Variants in DLG2 observed in about 807,000 individuals in gnomAD.
DLG2 encodes the protein discs large MAGUK scaffold protein 2, also known as disks large homolog 2.
DLG2 carries 45 observed loss-of-function variants against 132.5 expected under a neutral mutation model. That is an observed-to-expected ratio of 0.34 (90% CI 0.27 to 0.44). The LOEUF (loss-of-function observed/expected upper bound fraction) is 0.44. Ranked by LOEUF, DLG2 falls within the 20% of genes least tolerant of loss-of-function variation. The probability of loss-of-function intolerance (pLI) is 1.00; values close to 1 mark genes in which losing one functional copy is unlikely to be tolerated. For missense variants in DLG2, 1,045 were observed against 1,196.9 expected (o/e 0.87, Z 1.87); for synonymous variants, 424 against 419.6 (o/e 1.01, Z -0.13).
intron 7 of DLG2, among the ~76,000 whole-genome samples, chr11:84,483,635 A>G (rs1163576137): frequency 6.6e-6 from 1 of 152,144 alleles, no homozygotes; most frequent in Non-Finnish European, 1.5e-5. Context: ...TATCGTTACG[A>G]GTTTATCCAA....
At chr11:83,828,890 T>A (rs1359529931) in intron 17 of DLG2, among the ~76,000 whole-genome samples, 1 of 152,184 alleles carries the variant, frequency 6.6e-6, no homozygotes, top group Non-Finnish European at 1.5e-5. Flanking sequence ...GTATATGTGT[T>A]TATATACATA....
chr11:83,601,246 T>A (rs546718318), intron 19 of DLG2, among the ~76,000 whole-genome samples: 2 of 152,224 alleles, frequency 1.3e-5, no homozygotes, highest in East Asian at 3.9e-4. Context: ...TTGCCAAGGG[T>A]CCTCAATGCC....
At chr11:84,585,300 A>G (rs996569241) in intron 6 of DLG2, among the ~76,000 whole-genome samples, 3 of 152,170 alleles carry the variant, frequency 2.0e-5, no homozygotes, top group Non-Finnish European at 4.4e-5. Context: ...TGAGGCATGA[A>G]TAGGTTAGTA....
Position 83,523,805 on chromosome 11 carries a change from A to G in DLG2, c.2193+8903T>C, listed in dbSNP as rs75850423. 5.8e-4 allele frequency among the ~76,000 whole-genome samples: 89 copies of G among 152,298 alleles called. 1 individual carries two copies. In the East Asian group the frequency reaches 0.015, roughly 26 times the overall value. On this transcript the variant is annotated intron_variant, in intron 21 of 27. Transcript: ENST00000376104. ...ACACAAGATAGCAGAGAACTCAGAA[A>G]CCATCTGGATTTGCAGCCAATGGCA...
At chr11:84,994,999 A>G (rs1444966267) in intron 6 of DLG2, among the ~76,000 whole-genome samples, 8 of 152,112 alleles carry the variant, frequency 5.3e-5, no homozygotes, top group Non-Finnish European at 1.2e-4. Context: ...AATGCAAGAA[A>G]TCTCCTAGGA....
At chr11:84,059,858 TA>T (rs1391124776) in intron 10 of DLG2, among the ~76,000 whole-genome samples, 3 of 152,198 alleles carry the variant, frequency 2.0e-5, no homozygotes, top group African/African-American at 7.2e-5. Context: ...TCTCAGAACT[TA>T]CTACCATGAA....
At chr11:84,486,040 T>C (rs577286381) in intron 7 of DLG2, among the ~76,000 whole-genome samples, 1 of 152,260 alleles carries the variant, frequency 6.6e-6, no homozygotes, top group South Asian at 2.1e-4. Flanking sequence ...TGCTTCGATC[T>C]GGGAGAGACA....
At chr11:85,234,786 T>A (rs2152657360) in intron 4 of DLG2, among the ~76,000 whole-genome samples, 1 of 152,112 alleles carries the variant, frequency 6.6e-6, no homozygotes, top group South Asian at 2.1e-4. Context: ...ATCAATTTTT[T>A]AAATCCAGCT....
intron 18 of DLG2, among the ~76,000 whole-genome samples, chr11:83,646,357 C>CAGAGTGAGAG (rs113642329): frequency 0.089 from 11,194 of 126,212 alleles, 1,418 homozygotes; most frequent in African/African-American, 0.28. Context: ...AGATATGAAA[C>CAGAGTGAGAG]AGAGAGAGAG....
intron 6 of DLG2, among the ~76,000 whole-genome samples, chr11:84,793,826 T>C (rs909060200): frequency 1.3e-5 from 2 of 152,230 alleles, no homozygotes; most frequent in Admixed American, 6.5e-5. Flanking sequence ...AACAGATAAA[T>C]GAGTCTTGCT....
chr11:84,685,594 C>G (rs1009379850), intron 6 of DLG2, among the ~76,000 whole-genome samples: 1 of 152,218 alleles, frequency 6.6e-6, no homozygotes, highest in Non-Finnish European at 1.5e-5. Context: ...ATTTATTTAT[C>G]TGCCAGAGGA....
intron 3 of DLG2, among the ~76,000 whole-genome samples, chr11:85,462,929 TAAG>T (rs1377380456): frequency 2.0e-5 from 3 of 152,138 alleles, no homozygotes; most frequent in Non-Finnish European, 4.4e-5. Flanking sequence ...AATGTCCTTA[TAAG>T]AAGGTTCACA....
intron 3 of DLG2, among the ~76,000 whole-genome samples, chr11:85,397,557 A>T (rs952332613): frequency 1.2e-4 from 19 of 152,338 alleles, no homozygotes; most frequent in African/African-American, 4.1e-4. Context: ...AGACAAAAAT[A>T]GGCTCAAAAT....
At chr11:85,353,031 A>G (rs986996397) in intron 3 of DLG2, among the ~76,000 whole-genome samples, 2 of 152,232 alleles carry the variant, frequency 1.3e-5, no homozygotes, top group African/African-American at 4.8e-5. Flanking sequence ...AAAAGAAGCT[A>G]CCATCAGAGT....
chr11:84,682,485 G>C (rs1474034506), intron 6 of DLG2, among the ~76,000 whole-genome samples: 1 of 152,182 alleles, frequency 6.6e-6, no homozygotes, highest in Non-Finnish European at 1.5e-5. Context: ...GGGTCCTAAA[G>C]AGGTGCCATG....
intron 6 of DLG2, among the ~76,000 whole-genome samples, chr11:85,024,825 T>C (rs1048410461): frequency 2.8e-4 from 43 of 152,218 alleles, no homozygotes; most frequent in African/African-American, 9.6e-4. Flanking sequence ...TCAGTTAACA[T>C]AAATTCAGGT....
chr11:84,715,232 G>A (rs1354869704), intron 6 of DLG2, among the ~76,000 whole-genome samples: 1 of 152,152 alleles, frequency 6.6e-6, no homozygotes, highest in Non-Finnish European at 1.5e-5. Flanking sequence ...GAGAAAGAAA[G>A]AGGTGCTCAA....
intron 16 of DLG2, among the ~76,000 whole-genome samples, chr11:83,869,300 G>A (rs1003227651): frequency 1.3e-5 from 2 of 151,986 alleles, no homozygotes; most frequent in African/African-American, 4.8e-5. Context: ...AAGCACATTA[G>A]CTTTAAAAAA....
chr11:84,202,388 A>C (rs1220427406), intron 8 of DLG2, among the ~76,000 whole-genome samples: 1 of 152,186 alleles, frequency 6.6e-6, no homozygotes, highest in African/African-American at 2.4e-5. Context: ...TATTTAATAC[A>C]TGGTTCTGGG....
Sources: allele counts gnomAD v4.1 joint callset (sites outside exome capture counted in the v4.1 genomes callset), GRCh38; gene constraint gnomAD v4.1.1; transcripts MANE v1.5; gene names NCBI Gene and HGNC (gene_info 2026-07-23, HGNC 2026-07-21).